The following MS4A12 variants were observed in gnomAD, a reference collection of about 807,000 sequenced individuals.
The protein encoded by MS4A12 is membrane spanning 4-domains A12.
In MS4A12, 28 loss-of-function variants were observed where a neutral mutation model predicts 23.7. The observed-to-expected ratio is 1.18, with a 90% CI of 0.88 to 1.62. The LOEUF (loss-of-function observed/expected upper bound fraction) is 1.62, where lower values mean the gene tolerates loss of function less well. Among genes scored for constraint, MS4A12 ranks in the 40% most tolerant of loss-of-function variants. The pLI, the probability that MS4A12 is intolerant of heterozygous loss-of-function variation, is 0.00. For synonymous variants in MS4A12, 108 were observed against 110.1 expected, an observed-to-expected ratio of 0.98 and a Z score of 0.12; for missense variants, 342 against 327.0, an observed-to-expected ratio of 1.05 and a Z score of -0.35.
chr11:60,499,691 G>T (rs1219473454), intron 2 of MS4A12, among the ~76,000 whole-genome samples: 1 of 152,098 alleles, frequency 6.6e-6, no homozygotes, highest in Non-Finnish European at 1.5e-5. Context: ...CGATTTACTT[G>T]TGTTCAGTAG....
Position 60,497,463 on chromosome 11 carries a change from G to C in MS4A12, c.145G>C (p.Ala49Pro). ...AAACCAAGCTCAGGGTGCTCAGCGTGCTCAGCCCTACGGCATCACATCTCC... is the reference window on the plus strand; with the variant it reads ...AAACCAAGCTCAGGGTGCTCAGCGTCCTCAGCCCTACGGCATCACATCTCC... ...LENQAQGAQR[A>P]QPYGITSPGI... The change falls in exon 2 of 7, where the codon GCT becomes CCT. Residue 49 changes from alanine to proline, a missense_variant. Ala to Pro is a conservative substitution (Grantham distance 27). Coordinates refer to ENST00000016913, the MANE Select transcript of MS4A12 (RefSeq NM_017716.3). 1 of 1,614,182 alleles carries C rather than the reference G, an allele frequency of 6.2e-7. No individual in the cohort carries two copies. Among genetic ancestry groups the C allele is most frequent in the Non-Finnish European group, 8.5e-7 (1 of 1,180,042 alleles).
rs766922186 is a variant in MS4A12, at chr11:60,497,294, T to C, written c.-6-19T>C. On this transcript the variant is annotated intron_variant, in intron 1 of 6. Coordinates refer to ENST00000016913, the MANE Select transcript of MS4A12 (RefSeq NM_017716.3). ...TTTCTGGATAAACGTATCACTTTTG[T>C]ATGTTTTGTGATACTTAGGACATAA... 3.2e-6 allele frequency: 5 copies of C among 1,580,564 alleles called. No individual in the cohort carries two copies. The South Asian group carries it at 5.8e-5, about 18-fold the overall frequency.
At chr11:60,505,905 G>C (rs1279768089) in intron 5 of MS4A12, among the ~76,000 whole-genome samples, 3 of 152,168 alleles carry the variant, frequency 2.0e-5, no homozygotes, top group Non-Finnish European at 4.4e-5. Flanking sequence ...TCCAGCCAAG[G>C]AGCAGGCCTC....
intron 2 of MS4A12, among the ~76,000 whole-genome samples, chr11:60,499,957 T>G (rs928560133): frequency 6.6e-6 from 1 of 152,190 alleles, no homozygotes; most frequent in South Asian, 2.1e-4. Flanking sequence ...AGAAAATGAT[T>G]GCATACCTGC....
Position 60,501,195 on chromosome 11 carries a change from C to A in MS4A12, c.414+13C>A, listed in dbSNP as rs757576195. On this transcript the variant is annotated intron_variant, in intron 3 of 6. Coordinates refer to ENST00000016913, the MANE Select transcript of MS4A12 (RefSeq NM_017716.3). ...GGGTGGCCTTTCTGTGAGTAGATTG[C>A]TAGAACACCAGTCCTTCTTGGTTTA... 3 of 1,596,628 alleles carry A rather than the reference C, an allele frequency of 1.9e-6. No individual in the cohort carries two copies. Among genetic ancestry groups the A allele is most frequent in the Admixed American group, 3.6e-5 (2 of 56,004 alleles).
Position 60,507,166 on chromosome 11 carries a change from CTA to C in MS4A12, c.*43_*44del. The C allele has an allele frequency of 6.6e-7, 1 of 1,504,520 alleles. No individual in the cohort carries two copies. Among genetic ancestry groups the C allele is most frequent in the Non-Finnish European group, 9.2e-7 (1 of 1,084,422 alleles). The allele number at this position is 1,504,520 out of a possible 1,614,324, so 93.2% of individuals were successfully genotyped here. A position where few individuals can be genotyped will look rare whatever the true frequency, so the allele number is the denominator to read the frequency against. On this transcript the variant is annotated 3_prime_UTR_variant, in exon 7 of 7. Transcript: ENST00000016913. ...ATCAGTCTAATCTCATGGAGAAAAA[CTA>C]CTTGCAAAAACTTCTTAAGAAGATG...
chr11:60,505,761 A>G (rs2086565537), intron 5 of MS4A12, among the ~76,000 whole-genome samples: 1 of 152,182 alleles, frequency 6.6e-6, no homozygotes, highest in African/African-American at 2.4e-5. Context: ...CAAATCCTGT[A>G]TGGTACAAGA....
chr11:60,496,090 T>C (rs1207026999), intron 1 of MS4A12, among the ~76,000 whole-genome samples: 2 of 152,208 alleles, frequency 1.3e-5, no homozygotes, highest in Non-Finnish European at 2.9e-5. Flanking sequence ...TTCTCATCTG[T>C]AAATCAAGGG....
At chr11:60,497,009 A>C (rs2086492169) in intron 1 of MS4A12, among the ~76,000 whole-genome samples, 1 of 152,236 alleles carries the variant, frequency 6.6e-6, no homozygotes, top group East Asian at 1.9e-4. Flanking sequence ...AGTAGGGTTC[A>C]TGCTGCTATG....
In MS4A12 at chr11:60,497,589, C is replaced by A. The variant is rs78337068; in HGVS notation, c.271C>A (p.Leu91Ile). 5 of 1,613,916 alleles carry A rather than the reference C, an allele frequency of 3.1e-6. No individual in the cohort carries two copies. The East Asian group carries it at 1.1e-4, about 36-fold the overall frequency. ...VMNFKEEAKA[L>I]GVIQIMVGLM... ...GAACTTTAAAGAAGAAGCAAAGGCA[C>A]TAGGGGTAAGTCTATTTACTACCAG... Residue 91 changes from leucine (L) to isoleucine (I), a missense_variant, in exon 2 of 7, where the codon CTA becomes ATA. Transcript: ENST00000016913.
At chr11:60,497,638 G>A in intron 2 of MS4A12, 44 bp downstream of exon 2, 1 of 1,592,894 alleles carries the variant, frequency 6.3e-7, no homozygotes, top group Non-Finnish European at 8.6e-7. Context: ...CATTTGCAAG[G>A]TCTTCTTATA....
chr11:60,506,524 C>T (rs1301721215), intron 5 of MS4A12, among the ~76,000 whole-genome samples: 1 of 152,002 alleles, frequency 6.6e-6, no homozygotes, highest in Non-Finnish European at 1.5e-5. Context: ...AGCCTACTTA[C>T]CAAAAGGAAA....
At position 60,503,791 on chromosome 11, in the gene MS4A12, G is replaced by C; in HGVS notation, c.562G>C (p.Val188Leu). The C allele has an allele frequency of 6.2e-7, 1 of 1,613,830 alleles. No individual in the cohort carries two copies. The highest frequency in any genetic ancestry group is 8.5e-7 in the Non-Finnish European group (1 of 1,179,816). Reference sequence around the variant, plus strand: ...GCTGGTGGATATGTGCATCAATGGGGTAGCTGGCCAAGACTACTGGGCCGT... The same window carrying C: ...GCTGGTGGATATGTGCATCAATGGGCTAGCTGGCCAAGACTACTGGGCCGT... Reference protein sequence around the residue: ...LLLVDMCINGVAGQDYWAVLS... With the variant: ...LLLVDMCINGLAGQDYWAVLS... The change falls in exon 5 of 7, where the codon GTA becomes CTA. Residue 188 changes from valine to leucine, a missense_variant. Physicochemically the swap from Val to Leu is conservative, Grantham distance 32. Coordinates refer to ENST00000016913, the MANE Select transcript of MS4A12 (RefSeq NM_017716.3).
At position 60,507,156 on chromosome 11, in the gene MS4A12, T is replaced by C. The variant is rs977413948; in HGVS notation, c.*32T>C. 5 of 1,555,298 alleles carry C rather than the reference T, an allele frequency of 3.2e-6. No individual in the cohort carries two copies. The African/African-American group carries it at 5.5e-5, about 17-fold the overall frequency. On this transcript the variant is annotated 3_prime_UTR_variant, in exon 7 of 7. Coordinates refer to ENST00000016913, the MANE Select transcript of MS4A12 (RefSeq NM_017716.3). ...AAAAAGGGGTATCAGTCTAATCTCA[T>C]GGAGAAAAACTACTTGCAAAAACTT...
chr11:60,503,890 T>C, intron 5 of MS4A12, 73 bp downstream of exon 5: 2 of 1,274,370 alleles, frequency 1.6e-6, no homozygotes, highest in Non-Finnish European at 2.2e-6. Context: ...TTTTATTTCT[T>C]AATACCGTAT....
chr11:60,502,050 C>T lies in MS4A12; in HGVS notation c.471+11C>T. ...CTTTCCCGTTGTCTGGTAAGTTAGA[C>T]TGTCTCTACTTTTTGAACCCCTTTA... On this transcript the variant is annotated intron_variant, in intron 4 of 6. Transcript: ENST00000016913. 6.2e-7 allele frequency: 1 copy of T among 1,602,566 alleles called. No individual in the cohort carries two copies. The highest frequency in any genetic ancestry group is 2.2e-5 in the East Asian group (1 of 44,828).
At chr11:60,496,275 TG>T (rs1388982914) in intron 1 of MS4A12, among the ~76,000 whole-genome samples, 2 of 152,344 alleles carry the variant, frequency 1.3e-5, no homozygotes, top group Admixed American at 1.3e-4. Flanking sequence ...CTAACTTTCT[TG>T]ATATTCATAA....
intron 6 of MS4A12, 81 bp downstream of exon 6, chr11:60,506,919 CGGCT>C (rs2135237239): frequency 6.5e-7 from 1 of 1,528,864 alleles, no homozygotes; most frequent in East Asian, 2.3e-5. Flanking sequence ...ATCCTACTAT[CGGCT>C]TACCAGAATG....
intron 1 of MS4A12, among the ~76,000 whole-genome samples, chr11:60,495,692 C>A (rs562862422): frequency 6.6e-6 from 1 of 152,192 alleles, no homozygotes; most frequent in East Asian, 1.9e-4. Context: ...GGAGTTAGAT[C>A]CCAAGTTCAT....
Sources: allele counts gnomAD v4.1 joint callset (sites outside exome capture counted in the v4.1 genomes callset), GRCh38; gene constraint gnomAD v4.1.1; transcripts MANE v1.5; gene names NCBI Gene and HGNC (gene_info 2026-07-23, HGNC 2026-07-21).